PLXDC1: variants seen among roughly 807,000 people sequenced by gnomAD.
The protein encoded by PLXDC1 is plexin domain-containing protein 1.
PLXDC1 carries 39 observed loss-of-function variants against 61.3 expected under a neutral mutation model. The ratio of observed to expected loss-of-function variants is 0.64; its 90% CI spans 0.49 to 0.83. The LOEUF (loss-of-function observed/expected upper bound fraction) is 0.83, where lower values mean the gene tolerates loss of function less well. Ranked by LOEUF, PLXDC1 falls within the 40% of genes least tolerant of loss-of-function variation. The pLI, the probability that PLXDC1 is intolerant of heterozygous loss-of-function variation, is 0.00. For synonymous variants in PLXDC1, 212 were observed against 254.5 expected (o/e 0.83, Z 1.59); for missense variants, 596 against 666.5 (o/e 0.89, Z 1.17).
At chr17:39,079,619 G>T (rs1029376810) in intron 9 of PLXDC1, 3 of 450,192 alleles carry the variant, frequency 6.7e-6, no homozygotes, top group African/African-American at 4.0e-5. Context: ...CATTTCTGAC[G>T]GTCCTGCCAG....
rs187748671 is a variant in PLXDC1 at position 39,118,664 on chromosome 17, C to T, written c.256-9273G>A. ...TGACGTTTGCCCCCAGACCCGTAGG[C>T]CCTGCTGAGTTGACTACACCCATCA... On this transcript the variant is annotated intron_variant, in intron 2 of 13. Coordinates refer to ENST00000315392, the MANE Select transcript of PLXDC1 (RefSeq NM_020405.5). Among the ~76,000 whole-genome samples, 444 of 152,294 alleles carry T rather than the reference C, an allele frequency of 2.9e-3. 10 individuals carry two copies. Among genetic ancestry groups the T allele is most frequent in the Admixed American group, 0.026 (400 of 15,298 alleles).
At chr17:39,140,126 G>A (rs1473870701) in intron 1 of PLXDC1, among the ~76,000 whole-genome samples, 1 of 152,220 alleles carries the variant, frequency 6.6e-6, no homozygotes, top group Non-Finnish European at 1.5e-5. Context: ...AAGTCACGCA[G>A]TGGGTTAGGC....
intron 2 of PLXDC1, among the ~76,000 whole-genome samples, chr17:39,120,301 G>A (rs1177079880): frequency 2.0e-5 from 3 of 152,012 alleles, no homozygotes; most frequent in East Asian, 3.9e-4. Flanking sequence ...ACAGGCACCC[G>A]CCACCACGCC....
Position 39,108,798 on chromosome 17 carries a change from C to T in PLXDC1, c.469+106G>A, listed in dbSNP as rs1255661013. The T allele has an allele frequency of 3.0e-5, 22 of 741,294 alleles. No homozygotes were observed. In the East Asian group the frequency reaches 5.7e-4, roughly 19 times the overall value. 45.9% of individuals were successfully genotyped at this position (741,294 alleles called of 1,614,324 possible). On this transcript the variant is annotated intron_variant, in intron 4 of 13. Coordinates refer to ENST00000315392, the MANE Select transcript of PLXDC1 (RefSeq NM_020405.5). ...TCCTATTAGAGCCAAATGTGCCTTC[C>T]TCCCATTTCATATAACCCTGTCTCC...
At chr17:39,117,493 G>C (rs1292196974) in intron 2 of PLXDC1, among the ~76,000 whole-genome samples, 1 of 152,158 alleles carries the variant, frequency 6.6e-6, no homozygotes, top group Non-Finnish European at 1.5e-5. Flanking sequence ...CACTTTGGGA[G>C]GCTGAGGCAG....
upstream of PLXDC1, chr17:39,151,658 CGCTGGGTCGGTGGGGGTGGGGGGGA>C (rs2045374037): frequency 2.6e-6 from 1 of 389,318 alleles, no homozygotes; most frequent in African/African-American, 4.4e-5. The surrounding 1 kb of genome is among the most constrained non-coding windows in gnomAD (Gnocchi z 5.2). Flanking sequence ...CTGGGGGGGC[CGCTGGGTCGGTGGGGGTGGGGGGGA>C]GCTGGGGCAG....
chr17:39,091,280 G>T (rs1909940228), intron 7 of PLXDC1, among the ~76,000 whole-genome samples: 2 of 151,946 alleles, frequency 1.3e-5, no homozygotes, highest in Non-Finnish European at 2.9e-5. Context: ...GGGCTGCTCA[G>T]AGAGTACTTA....
chr17:39,107,726 C>T (rs1193219080), intron 5 of PLXDC1: 15 of 616,940 alleles, frequency 2.4e-5, no homozygotes, highest in Non-Finnish European at 4.1e-5. Context: ...GAAGATCCTG[C>T]TTCAGCCCCA....
At chr17:39,077,863 G>T in intron 11 of PLXDC1, 50 bp downstream of exon 11, 3 of 1,604,134 alleles carry the variant, frequency 1.9e-6, no homozygotes, top group Non-Finnish European at 2.6e-6. Context: ...GGGGTGGGTA[G>T]CTCTCCTTCC....
chr17:39,114,791 C>A (rs1910914236), intron 2 of PLXDC1, among the ~76,000 whole-genome samples: 1 of 152,192 alleles, frequency 6.6e-6, no homozygotes, highest in South Asian at 2.1e-4. Context: ...CACCTGGGAA[C>A]CTGAGCGGGC....
intron 7 of PLXDC1, 47 bp downstream of exon 7, chr17:39,105,807 G>T (rs374094648): frequency 8.2e-7 from 1 of 1,222,414 alleles, no homozygotes. Flanking sequence ...CAGTCTGAGC[G>T]GAGTCCTACC....
rs1214741989 is a variant in PLXDC1, at chr17:39,103,440, G to A, written c.811+2414C>T. On this transcript the variant is annotated intron_variant, in intron 7 of 13. Coordinates refer to ENST00000315392, the MANE Select transcript of PLXDC1 (RefSeq NM_020405.5). ...TGCCTGTGGCCCCAGCTTCTTGGGA[G>A]GCTGAGGTGGGAGGATGGCTTGAGC... is the stretch of plus-strand genomic sequence containing the variant. 2.6e-5 allele frequency among the ~76,000 whole-genome samples: 4 copies of A among 152,162 alleles called. No individual in the cohort carries two copies. The East Asian group carries it at 7.7e-4, about 29-fold the overall frequency.
chr17:39,130,919 A>G (rs1911539316), intron 2 of PLXDC1, among the ~76,000 whole-genome samples: 1 of 152,112 alleles, frequency 6.6e-6, no homozygotes, highest in South Asian at 2.1e-4. Context: ...AAAAAAAGAA[A>G]CTAACCAATC....
intron 11 of PLXDC1, among the ~76,000 whole-genome samples, chr17:39,075,685 A>G (rs62076608): frequency 0.27 from 41,080 of 152,096 alleles, 6,378 homozygotes; most frequent in East Asian, 0.43. Context: ...ACAAATGCTG[A>G]TGCTTTCTAT....
At chr17:39,127,192 C>T (rs531340242) in intron 2 of PLXDC1, among the ~76,000 whole-genome samples, 6 of 152,226 alleles carry the variant, frequency 3.9e-5, no homozygotes, top group Non-Finnish European at 7.4e-5. Context: ...TCAGTCCCAC[C>T]TTACAGATGA....
upstream of PLXDC1, chr17:39,152,467 AC>A: frequency 1.8e-6 from 2 of 1,124,064 alleles, no homozygotes; most frequent in Non-Finnish European, 2.3e-6. Flanking sequence ...GAATAAAAAT[AC>A]CCGCAATGTA....
Position 39,148,649 on chromosome 17 carries a change from G to A in PLXDC1, c.76+2713C>T, listed in dbSNP as rs113417333. 2.7e-3 allele frequency among the ~76,000 whole-genome samples: 418 copies of A among 152,218 alleles called. 1 individual carries two copies. Among genetic ancestry groups the A allele is most frequent in the African/African-American group, 9.8e-3 (406 of 41,520 alleles). ...GGGGTTTCACCATGTTAGCCAGGCT[G>A]GTCTCAAACTCCTGACCTCAGGTGA... On this transcript the variant is annotated intron_variant, in intron 1 of 13. Transcript: ENST00000315392.
chr17:39,092,927 T>C (rs1304537933), intron 7 of PLXDC1, among the ~76,000 whole-genome samples: 1 of 152,230 alleles, frequency 6.6e-6, no homozygotes, highest in Admixed American at 6.5e-5. Flanking sequence ...AAAAAGTTAC[T>C]GAACATGGAG....
Position 39,067,586 on chromosome 17 carries a change from A to C in PLXDC1, c.*254T>G. 2.5e-6 allele frequency: 1 copy of C among 399,906 alleles called. No homozygotes were observed. Among genetic ancestry groups the C allele is most frequent in the East Asian group, 4.0e-5 (1 of 25,126 alleles). The allele number at this position is 399,906 out of a possible 1,614,324, so 24.8% of individuals were successfully genotyped here. A position where few individuals can be genotyped will look rare whatever the true frequency, so the allele number is the denominator to read the frequency against. On this transcript the variant is annotated 3_prime_UTR_variant, in exon 14 of 14. Coordinates refer to ENST00000315392, the MANE Select transcript of PLXDC1 (RefSeq NM_020405.5). The stretch of plus-strand genomic sequence containing the variant: ...CTGCTGTTTCATGGTTACAAGACAC[A>C]GAAGAGAACCCTTGCATCAAAACAG...
Sources: gnomAD v4.1 joint callset for allele counts (sites outside exome capture counted in the v4.1 genomes callset) on GRCh38, gnomAD v4.1.1 for gene constraint, Gnocchi (gnomAD v3.1) non-coding constraint, MANE v1.5 for transcripts, NCBI Gene and HGNC (gene_info 2026-07-23, HGNC 2026-07-21) for gene names.